Variants in RPS6KC1 observed in about 807,000 individuals in gnomAD.
The protein encoded by RPS6KC1 is inactive ribosomal protein S6 kinase delta-1.
RPS6KC1 carries 54 observed loss-of-function variants against 103.8 expected under a neutral mutation model. The ratio of observed to expected loss-of-function variants is 0.52; its 90% confidence interval spans 0.42 to 0.65. The LOEUF is 0.65. Among genes scored for constraint, RPS6KC1 ranks in the 30% least tolerant of loss-of-function variants. RPS6KC1 has a pLI of 0.00. For synonymous variants in RPS6KC1, 439 were observed against 438.7 expected (o/e 1.00, Z -0.01); for missense variants, 1,151 against 1,253.8 (o/e 0.92, Z 1.24).
chr1:213,293,827 G>A, the RPS6KC1 span, among the ~76,000 whole-genome samples: 1 of 152,304 alleles, frequency 6.6e-6, no homozygotes, highest in Admixed American at 6.5e-5. Context: ...TTATAATTAT[G>A]TAGGAACTGA....
the RPS6KC1 span, among the ~76,000 whole-genome samples, chr1:213,543,145 G>A: frequency 2.0e-5 from 3 of 152,182 alleles, no homozygotes; most frequent in Admixed American, 6.5e-5. Context: ...AAGTGGTTAC[G>A]GATGAGCCTA....
chr1:213,811,570 G>A, the RPS6KC1 span, among the ~76,000 whole-genome samples: 143 of 152,314 alleles, frequency 9.4e-4, no homozygotes, highest in Middle Eastern at 0.01. Flanking sequence ...TAACCATCTG[G>A]AGTGATCAGG....
chr1:213,234,637 G>T (rs2094183409), intron 10 of RPS6KC1, among the ~76,000 whole-genome samples: 1 of 152,186 alleles, frequency 6.6e-6, no homozygotes, highest in Non-Finnish European at 1.5e-5. Context: ...GGCACATGTT[G>T]GTACGTGAGG....
chr1:213,394,183 A>G, the RPS6KC1 span, among the ~76,000 whole-genome samples: 2 of 152,214 alleles, frequency 1.3e-5, no homozygotes, highest in South Asian at 4.1e-4. Context: ...GCTGTTTACC[A>G]TGTGGATTCC....
chr1:213,207,179 T>G lies in RPS6KC1; in HGVS notation c.1045-23318T>G, dbSNP rs145750551. ...TACACTGCTTTGGCATATTTTGAGA[T>G]GGCTATTCAGAAAAGCTACAGAAAG... On this transcript the variant is annotated intron_variant, in intron 8 of 14. Transcript: ENST00000366960. Among the ~76,000 whole-genome samples, 11 of 152,288 alleles carry G rather than the reference T, an allele frequency of 7.2e-5. No homozygotes were observed. The East Asian group carries it at 1.2e-3, about 16-fold the overall frequency.
chr1:213,838,064 C>T, the RPS6KC1 span, among the ~76,000 whole-genome samples: 1 of 152,140 alleles, frequency 6.6e-6, no homozygotes, highest in African/African-American at 2.4e-5. Flanking sequence ...TACTCTCTCG[C>T]TCCCATTAAA....
the RPS6KC1 span, among the ~76,000 whole-genome samples, chr1:213,587,169 G>C: frequency 6.6e-6 from 1 of 152,186 alleles, no homozygotes; most frequent in Non-Finnish European, 1.5e-5. Context: ...GCCCGAAGCA[G>C]GCATGGAAGT....
At chr1:213,860,122 T>TATAG in the RPS6KC1 span, among the ~76,000 whole-genome samples, 2 of 151,184 alleles carry the variant, frequency 1.3e-5, no homozygotes, top group South Asian at 2.1e-4. Context: ...TTCAGATATA[T>TATAG]ATACATATGT....
chr1:213,799,109 A>G, the RPS6KC1 span, among the ~76,000 whole-genome samples: 1 of 152,136 alleles, frequency 6.6e-6, no homozygotes, highest in Admixed American at 6.5e-5. Flanking sequence ...TAGTCAGAAT[A>G]TTTTCATTAA....
At chr1:213,376,636 T>G in the RPS6KC1 span, among the ~76,000 whole-genome samples, 1 of 152,210 alleles carries the variant, frequency 6.6e-6, no homozygotes, top group Non-Finnish European at 1.5e-5. Context: ...TATCCTTCTC[T>G]AACTGGAAAT....
the RPS6KC1 span, among the ~76,000 whole-genome samples, chr1:213,302,102 G>A: frequency 6.6e-6 from 1 of 152,164 alleles, no homozygotes; most frequent in Non-Finnish European, 1.5e-5. Context: ...CTGGGATAGG[G>A]CCTGAGATTC....
chr1:213,710,338 C>T, the RPS6KC1 span, among the ~76,000 whole-genome samples: 1 of 151,922 alleles, frequency 6.6e-6, no homozygotes, highest in African/African-American at 2.4e-5. Flanking sequence ...GGATTGCAGC[C>T]CCTGCTTTTT....
At chr1:213,196,032 G>T (rs2841439) in intron 8 of RPS6KC1, among the ~76,000 whole-genome samples, 111,316 of 152,098 alleles carry the variant, frequency 0.73, 41,622 homozygotes, top group African/African-American at 0.88. Context: ...TAGTTCTACT[G>T]TTAGTTCTTT....
At chr1:213,687,168 A>G in the RPS6KC1 span, among the ~76,000 whole-genome samples, 1 of 152,106 alleles carries the variant, frequency 6.6e-6, no homozygotes, top group Admixed American at 6.5e-5. Flanking sequence ...CTCCTATTTT[A>G]TCCTGTGACT....
chr1:213,502,637 T>C, the RPS6KC1 span, among the ~76,000 whole-genome samples: 2 of 152,172 alleles, frequency 1.3e-5, no homozygotes, highest in African/African-American at 4.8e-5. Context: ...CTAGATTACA[T>C]GGCATATGTT....
the RPS6KC1 span, among the ~76,000 whole-genome samples, chr1:213,281,797 C>A: frequency 6.6e-6 from 1 of 152,192 alleles, no homozygotes; most frequent in Non-Finnish European, 1.5e-5. Flanking sequence ...CAACCACCCC[C>A]ACTCCCCAGG....
chr1:213,485,711 A>T, the RPS6KC1 span, among the ~76,000 whole-genome samples: 2 of 152,288 alleles, frequency 1.3e-5, 1 homozygote, highest in South Asian at 4.1e-4. Context: ...TATCCTGTAG[A>T]TGTTCATGGG....
intron 6 of RPS6KC1, among the ~76,000 whole-genome samples, chr1:213,161,636 T>C (rs1467220016): frequency 2.0e-5 from 3 of 152,206 alleles, no homozygotes; most frequent in Non-Finnish European, 4.4e-5. Context: ...CTTTGAATCA[T>C]TTAAATATGG....
the RPS6KC1 span, among the ~76,000 whole-genome samples, chr1:213,289,758 G>A: frequency 2.0e-5 from 3 of 152,142 alleles, no homozygotes; most frequent in Admixed American, 6.5e-5. Context: ...TCATGCCTCA[G>A]GCCAGGTGCA....
Sources: allele counts gnomAD v4.1 joint callset (sites outside exome capture counted in the v4.1 genomes callset), GRCh38; gene constraint gnomAD v4.1.1; transcripts MANE v1.5; gene names NCBI Gene and HGNC (gene_info 2026-07-23, HGNC 2026-07-21).